The following NOL10 variants were observed in gnomAD, a reference collection of about 807,000 sequenced individuals.
NOL10 encodes H_NH0074G24.1.
In NOL10, 58 loss-of-function variants were observed where a neutral mutation model predicts 103.5. That is an observed-to-expected ratio of 0.56 (90% CI 0.45 to 0.70). The LOEUF is 0.70. NOL10 is among the 30% of genes least tolerant of loss of function. The pLI is 0.00. For missense variants in NOL10, 763 were observed against 807.3 expected, an observed-to-expected ratio of 0.95 and a Z score of 0.67; for synonymous variants, 287 against 282.5, an observed-to-expected ratio of 1.02 and a Z score of -0.16.
intron 17 of NOL10, 121 bp from the exon 18 acceptor site, chr2:10,589,872 T>C (rs970566344): frequency 7.4e-5 from 41 of 556,432 alleles, no homozygotes; most frequent in African/African-American, 6.8e-4. Flanking sequence ...GCATACATTA[T>C]TAACTCATTA....
chr2:10,639,474 T>C (rs1199541689), intron 13 of NOL10, among the ~76,000 whole-genome samples: 4 of 152,024 alleles, frequency 2.6e-5, no homozygotes, highest in African/African-American at 9.7e-5. Context: ...TTCCTCAAGT[T>C]TACACATCCA....
chr2:10,595,068 G>C (rs879295177), intron 17 of NOL10, among the ~76,000 whole-genome samples: 39 of 139,248 alleles, frequency 2.8e-4, no homozygotes, highest in Non-Finnish European at 5.2e-4. Context: ...GGAAAGGAAA[G>C]TTATCAAAAG....
chr2:10,644,518 T>C (rs1292721476), intron 12 of NOL10, 146 bp from the exon 13 acceptor site: 4 of 552,722 alleles, frequency 7.2e-6, no homozygotes, highest in Non-Finnish European at 1.2e-5. Context: ...CACAGCAAAT[T>C]CCTAACTTTT....
chr2:10,682,006 T>C lies in NOL10; in HGVS notation c.176A>G (p.Lys59Arg). 1 of 1,519,080 alleles carries C rather than the reference T, an allele frequency of 6.6e-7. No homozygotes were observed. Among genetic ancestry groups the C allele is most frequent in the South Asian group, 1.4e-5 (1 of 72,704 alleles). The allele number at this position is 1,519,080 out of a possible 1,614,324, so 94.1% of individuals were successfully genotyped here. ...FEMPTVCTTI[K>R]VSKDGQYILA... ...AATGTACTGTCCATCTTTTGACACCTTAATAGTGGTACACACAGTAGGCAT... is the reference window on the plus strand; with the variant it reads ...AATGTACTGTCCATCTTTTGACACCCTAATAGTGGTACACACAGTAGGCAT... Residue 59 changes from lysine (K) to arginine (R), a missense_variant, in exon 3 of 21, where the codon AAG (lysine) becomes AGG (arginine). Lys to Arg is a conservative substitution (Grantham distance 26). Transcript: ENST00000381685.
At chr2:10,632,309 T>C (rs1037092620) in intron 13 of NOL10, among the ~76,000 whole-genome samples, 1 of 152,014 alleles carries the variant, frequency 6.6e-6, no homozygotes, top group African/African-American at 2.4e-5. Context: ...GAAGAGAAAA[T>C]ATTTTAGGGC....
chr2:10,581,319 G>A (rs984563624), intron 19 of NOL10, among the ~76,000 whole-genome samples: 1 of 152,122 alleles, frequency 6.6e-6, no homozygotes, highest in Admixed American at 6.5e-5. Context: ...CTAGGAATAC[G>A]CTTTAAAGAA....
In NOL10 at chr2:10,572,061, A is replaced by G. The variant is rs753950428; in HGVS notation, c.*10T>C. 1.2e-6 allele frequency: 2 copies of G among 1,613,240 alleles called. No individual in the cohort carries two copies. The highest frequency in any genetic ancestry group is 2.2e-5 in the East Asian group (1 of 44,878). On this transcript the variant is annotated 3_prime_UTR_variant, in exon 21 of 21. Transcript: ENST00000381685. ...CCCCTCCCTAATCACAGGTAGGACCACTTCCCAAATCAATGAAACGACCGT... is the reference window on the plus strand; with the variant it reads ...CCCCTCCCTAATCACAGGTAGGACCGCTTCCCAAATCAATGAAACGACCGT...
At chr2:10,678,436 A>AAAAAAAC (rs1553315652) in intron 3 of NOL10, among the ~76,000 whole-genome samples, 1 of 149,980 alleles carries the variant, frequency 6.7e-6, no homozygotes. Flanking sequence ...AAAAAAAAAA[A>AAAAAAAC]CACTAATAAA....
chr2:10,668,911 C>G (rs1324916584), intron 6 of NOL10, among the ~76,000 whole-genome samples, 188 bp from the exon 7 acceptor site: 1 of 151,990 alleles, frequency 6.6e-6, no homozygotes, highest in African/African-American at 2.4e-5. Context: ...GTGATTTAAA[C>G]CATTCATGTG....
chr2:10,663,662 G>T (rs35402486), intron 8 of NOL10, among the ~76,000 whole-genome samples: 2,614 of 151,730 alleles, frequency 0.017, 58 homozygotes, highest in Non-Finnish European at 0.02. Flanking sequence ...ATGAAAAGAA[G>T]AATCCCGGCC....
intron 12 of NOL10, among the ~76,000 whole-genome samples, chr2:10,652,037 C>T (rs1212122006): frequency 1.3e-5 from 2 of 151,908 alleles, no homozygotes; most frequent in Non-Finnish European, 2.9e-5. Context: ...GTCAGGAGTT[C>T]GAGACCAGCC....
intron 14 of NOL10, among the ~76,000 whole-genome samples, chr2:10,604,167 T>C (rs1676127911): frequency 6.6e-6 from 1 of 152,210 alleles, no homozygotes; most frequent in Non-Finnish European, 1.5e-5. Context: ...CAGGCAGTCA[T>C]GCTCACTTAC....
intron 12 of NOL10, among the ~76,000 whole-genome samples, chr2:10,650,922 T>C (rs902151740): frequency 6.6e-6 from 1 of 152,132 alleles, no homozygotes; most frequent in African/African-American, 2.4e-5. Context: ...TCCTTGTCCT[T>C]GTGATTCCAA....
Position 10,684,193 on chromosome 2 carries a change from TTG to T in NOL10, c.112+372_112+373del, listed in dbSNP as rs1455119451. ...CAGGAGGCTGAGGCAGGAGAACTGC[TTG>T]AATCCAGGAGGTGGAGGTTGCAGTG... On this transcript the variant is annotated intron_variant, in intron 2 of 20. Transcript: ENST00000381685. Among the ~76,000 whole-genome samples, 10 of 151,976 alleles carry T rather than the reference TTG, an allele frequency of 6.6e-5. 1 individual carries two copies. The South Asian group carries it at 1.0e-3, about 16-fold the overall frequency.
chr2:10,620,776 T>C (rs6740245), intron 13 of NOL10, among the ~76,000 whole-genome samples: 52,225 of 151,976 alleles, frequency 0.34, 9,403 homozygotes, highest in Non-Finnish European at 0.4. Context: ...GGAAGCAGTG[T>C]GTATATACTG....
intron 13 of NOL10, among the ~76,000 whole-genome samples, chr2:10,626,849 T>C (rs550479321): frequency 2.6e-5 from 4 of 152,354 alleles, no homozygotes; most frequent in South Asian, 2.1e-4. Flanking sequence ...ACACAATATA[T>C]GTCATATGTG....
intron 13 of NOL10, among the ~76,000 whole-genome samples, chr2:10,637,846 C>T (rs895042218): frequency 4.6e-5 from 7 of 152,006 alleles, no homozygotes; most frequent in African/African-American, 7.3e-5. Flanking sequence ...TGTTTTTAAC[C>T]GCCTCATTTG....
intron 1 of NOL10, among the ~76,000 whole-genome samples, chr2:10,685,381 T>C (rs1335020694): frequency 6.7e-6 from 1 of 149,778 alleles, no homozygotes; most frequent in Non-Finnish European, 1.5e-5. Context: ...TAATCCCAGC[T>C]ACTCGGGAGG....
chr2:10,661,462 C>T (rs34085274), intron 9 of NOL10, among the ~76,000 whole-genome samples: 14,653 of 151,770 alleles, frequency 0.097, 871 homozygotes, highest in African/African-American at 0.14. Flanking sequence ...ACCTCTGCCT[C>T]CCGGGTTCAG....
Sources: allele counts gnomAD v4.1 joint callset (sites outside exome capture counted in the v4.1 genomes callset), GRCh38; gene constraint gnomAD v4.1.1; transcripts MANE v1.5; gene names NCBI Gene and HGNC (gene_info 2026-07-23, HGNC 2026-07-21).